The following BBS9 variants were observed in gnomAD, a reference collection of about 807,000 sequenced individuals.
The protein encoded by BBS9 is protein PTHB1.
BBS9 carries 89 observed loss-of-function variants against 117.7 expected under a neutral mutation model. That is an observed-to-expected ratio of 0.76 (90% confidence interval 0.64 to 0.90). The LOEUF is 0.90. Ranked by LOEUF, BBS9 falls within the 40% of genes least tolerant of loss-of-function variation. The probability of loss-of-function intolerance (pLI) is 0.00; values close to 1 mark genes in which losing one functional copy is unlikely to be tolerated. For synonymous variants in BBS9, 379 were observed against 370.9 expected (o/e 1.02, Z -0.25); for missense variants, 982 against 1,042.2 (o/e 0.94, Z 0.80).
chr7:33,164,945 G>T (rs144730379), intron 4 of BBS9, among the ~76,000 whole-genome samples: 5 of 152,086 alleles, frequency 3.3e-5, no homozygotes, highest in Non-Finnish European at 7.4e-5. Context: ...ACAATTTGGC[G>T]TGTTTTTGCG....
intron 19 of BBS9, among the ~76,000 whole-genome samples, chr7:33,444,214 C>T (rs1836643463): frequency 6.6e-6 from 1 of 152,152 alleles, no homozygotes; most frequent in African/African-American, 2.4e-5. Context: ...AAGTGCTTCC[C>T]CAAATCCAAA....
At chr7:33,599,338 A>T (rs563350027) in intron 21 of BBS9, among the ~76,000 whole-genome samples, 17 of 152,140 alleles carry the variant, frequency 1.1e-4, no homozygotes, top group African/African-American at 4.1e-4. Context: ...TTTGAAACCT[A>T]CCCTGCCTAT....
intron 5 of BBS9, among the ~76,000 whole-genome samples, chr7:33,199,185 C>G (rs1156623319): frequency 6.6e-6 from 1 of 151,856 alleles, no homozygotes. Flanking sequence ...GCTTCTCTTG[C>G]CCAACTTCCT....
chr7:33,148,480 A>C (rs1792772694), intron 2 of BBS9, among the ~76,000 whole-genome samples: 1 of 152,082 alleles, frequency 6.6e-6, no homozygotes, highest in Non-Finnish European at 1.5e-5. Context: ...CTCCTGCCTT[A>C]GCCTCCCAAG....
At chr7:33,252,532 G>A (rs766437201) in intron 5 of BBS9, among the ~76,000 whole-genome samples, 1 of 152,042 alleles carries the variant, frequency 6.6e-6, no homozygotes, top group Non-Finnish European at 1.5e-5. Flanking sequence ...CTTAGAATTG[G>A]CATTTCTGAG....
chr7:33,375,383 C>T (rs1823656679), intron 17 of BBS9, among the ~76,000 whole-genome samples: 1 of 151,850 alleles, frequency 6.6e-6, no homozygotes, highest in South Asian at 2.1e-4. Context: ...TTCATTTCTC[C>T]CTCCATGAAA....
intron 5 of BBS9, among the ~76,000 whole-genome samples, chr7:33,237,056 A>G (rs960942473): frequency 2.6e-5 from 4 of 152,128 alleles, no homozygotes; most frequent in African/African-American, 9.7e-5. Flanking sequence ...AATTCTTTAT[A>G]TATTAAAAAT....
intron 9 of BBS9, among the ~76,000 whole-genome samples, chr7:33,305,273 C>G (rs1193096518): frequency 6.6e-6 from 1 of 151,916 alleles, no homozygotes; most frequent in Non-Finnish European, 1.5e-5. Context: ...CCTAATGAAT[C>G]ATCTTTTTAA....
At chr7:33,409,632 A>G (rs1175277255) in intron 19 of BBS9, among the ~76,000 whole-genome samples, 1 of 152,160 alleles carries the variant, frequency 6.6e-6, no homozygotes, top group Non-Finnish European at 1.5e-5. Context: ...CCAGCAGTGT[A>G]TGAGGATTCT....
intron 5 of BBS9, among the ~76,000 whole-genome samples, chr7:33,208,747 G>A (rs1320121740): frequency 6.6e-6 from 1 of 152,048 alleles, no homozygotes; most frequent in Non-Finnish European, 1.5e-5. Context: ...TTTTCTAGGA[G>A]GGTAGGGGGA....
rs147704818 is a variant in BBS9, at chr7:33,155,766, T to C, written c.328+64T>C. 3.5e-5 allele frequency: 33 copies of C among 941,374 alleles called. 2 individuals carry two copies. The Admixed American group carries it at 4.8e-4, about 14-fold the overall frequency. The allele number at this position is 941,374 out of a possible 1,614,324, so 58.3% of individuals were successfully genotyped here. A position where few individuals can be genotyped will look rare whatever the true frequency, so the allele number is the denominator to read the frequency against. On this transcript the variant is annotated intron_variant, in intron 4 of 22. Transcript: ENST00000242067. ...AATTGGGCTTAATGTTATATGAGAA[T>C]AGATATTCCCTAGTGCTGACTTGGT... is the stretch of plus-strand genomic sequence containing the variant.
chr7:33,208,986 T>C (rs1465482160), intron 5 of BBS9, among the ~76,000 whole-genome samples: 1 of 152,234 alleles, frequency 6.6e-6, no homozygotes, highest in East Asian at 1.9e-4. Context: ...TTTAAAAATG[T>C]ACAATTAAAT....
intron 5 of BBS9, among the ~76,000 whole-genome samples, chr7:33,210,698 T>C (rs562612390): frequency 3.9e-5 from 6 of 152,216 alleles, no homozygotes; most frequent in Non-Finnish European, 5.9e-5. Context: ...CCACCATGCC[T>C]GGCTTATTTT....
At chr7:33,394,308 C>T (rs1827578470) in intron 19 of BBS9, among the ~76,000 whole-genome samples, 1 of 151,998 alleles carries the variant, frequency 6.6e-6, no homozygotes, top group Non-Finnish European at 1.5e-5. Context: ...GAACAGAAAA[C>T]CAAATACTAG....
rs952530323 is a variant in BBS9 at position 33,474,358 on chromosome 7, A to T, written c.2116-31105A>T. Reference sequence around the variant, plus strand: ...ATTAAAAACTTCTGTGGTTATTTGGATTCAGCTTCCCCGACTTGTCTTCTT... The same window carrying T: ...ATTAAAAACTTCTGTGGTTATTTGGTTTCAGCTTCCCCGACTTGTCTTCTT... On this transcript the variant is annotated intron_variant, in intron 19 of 22. Coordinates refer to ENST00000242067, the MANE Select transcript of BBS9 (RefSeq NM_198428.3). 3.3e-5 allele frequency among the ~76,000 whole-genome samples: 5 copies of T among 152,236 alleles called. No homozygotes were observed. In the East Asian group the frequency reaches 9.6e-4, roughly 29 times the overall value.
intron 5 of BBS9, among the ~76,000 whole-genome samples, chr7:33,178,468 G>A (rs1037913532): frequency 3.9e-5 from 6 of 152,134 alleles, no homozygotes; most frequent in Non-Finnish European, 7.3e-5. Flanking sequence ...TGTTGGCATG[G>A]GAGGGCTCTT....
intron 4 of BBS9, among the ~76,000 whole-genome samples, chr7:33,174,640 T>A (rs1797062996): frequency 6.6e-6 from 1 of 152,242 alleles, no homozygotes; most frequent in African/African-American, 2.4e-5. Context: ...ACAGTCTGTT[T>A]ACACTTCCAT....
chr7:33,148,599 G>A (rs1792789409), intron 2 of BBS9, among the ~76,000 whole-genome samples: 1 of 151,796 alleles, frequency 6.6e-6, no homozygotes, highest in Admixed American at 6.6e-5. Context: ...CTGACCTTGG[G>A]TGATCCACCT....
intron 12 of BBS9, 36 bp from the exon 13 acceptor site, chr7:33,349,025 ATAAAATG>A: frequency 7.4e-7 from 1 of 1,348,136 alleles, no homozygotes; most frequent in Non-Finnish European, 1.1e-6. Context: ...ATCAGTTTGA[ATAAAATG>A]TAATTTTCTA....
Sources: gnomAD v4.1 joint callset for allele counts (sites outside exome capture counted in the v4.1 genomes callset) on GRCh38, gnomAD v4.1.1 for gene constraint, MANE v1.5 for transcripts, NCBI Gene and HGNC (gene_info 2026-07-23, HGNC 2026-07-21) for gene names.